Variants in CPLANE1 observed in about 807,000 individuals in gnomAD.
CPLANE1 encodes ciliogenesis and planar polarity effector complex subunit 1.
CPLANE1 carries 263 observed loss-of-function variants against 362.5 expected under a neutral mutation model. The ratio of observed to expected loss-of-function variants is 0.73; its 90% CI spans 0.66 to 0.80. The LOEUF is 0.80. CPLANE1 is among the 30% of genes least tolerant of loss of function. The pLI, the probability that CPLANE1 is intolerant of heterozygous loss-of-function variation, is 0.00. For synonymous variants in CPLANE1, 1,212 were observed against 1,302.6 expected, an observed-to-expected ratio of 0.93 and a Z score of 1.50; for missense variants, 3,461 against 3,793.4, an observed-to-expected ratio of 0.91 and a Z score of 2.30.
intron 43 of CPLANE1, among the ~76,000 whole-genome samples, chr5:37,143,862 G>A (rs762190431): frequency 3.3e-5 from 5 of 151,348 alleles, no homozygotes; most frequent in Non-Finnish European, 5.9e-5. Context: ...TTGAACCTGC[G>A]AGGCAGGGGA....
chr5:37,085,098 C>A, the CPLANE1 span: 1 of 737,372 alleles, frequency 1.4e-6, no homozygotes. Flanking sequence ...GGTAGCAACT[C>A]CAAAGCATTG....
At chr5:37,118,953 C>A (rs954818139) in intron 50 of CPLANE1, among the ~76,000 whole-genome samples, 1 of 152,124 alleles carries the variant, frequency 6.6e-6, no homozygotes, top group Non-Finnish European at 1.5e-5. Flanking sequence ...ACCTTGTGAT[C>A]TGCCCACCTC....
At chr5:37,140,175 T>C (rs895610273) in intron 44 of CPLANE1, 1 of 872,334 alleles carries the variant, frequency 1.1e-6, no homozygotes, top group African/African-American at 1.8e-5. Context: ...TTAATTCTTC[T>C]ATATGTTTAA....
rs75134980 is a variant in CPLANE1, at chr5:37,228,174, A to G, written c.1122-357T>C. Among the ~76,000 whole-genome samples the G allele has an allele frequency of 6.5e-3, 991 of 152,276 alleles. 11 individuals are homozygous for G. The highest frequency in any genetic ancestry group is 0.061 in the Middle Eastern group (18 of 294). On this transcript the variant is annotated intron_variant, in intron 9 of 52. Coordinates refer to ENST00000651892, the MANE Select transcript of CPLANE1 (RefSeq NM_001384732.1). ...TATATTTAAATATGCTTACACAAAT[A>G]AAATTATGAACTATCAGTATACTTT...
chr5:37,210,482 G>A, intron 16 of CPLANE1: 3 of 1,191,016 alleles, frequency 2.5e-6, no homozygotes, highest in Non-Finnish European at 1.2e-6. Flanking sequence ...AAGATGAAAG[G>A]AAGAATAAAG....
intron 44 of CPLANE1, chr5:37,140,789 C>T (rs1010659102): frequency 1.0e-6 from 1 of 985,296 alleles, no homozygotes; most frequent in Middle Eastern, 5.2e-4. Context: ...ATCACTAACC[C>T]ACGGCCACAG....
chr5:37,138,143 A>C (rs921945727), intron 46 of CPLANE1, among the ~76,000 whole-genome samples: 1 of 152,184 alleles, frequency 6.6e-6, no homozygotes, highest in Non-Finnish European at 1.5e-5. Context: ...GGGGTGTTGA[A>C]GTCCCCCACT....
At chr5:37,093,408 A>G in the CPLANE1 span, among the ~76,000 whole-genome samples, 118 of 152,244 alleles carry the variant, frequency 7.8e-4, no homozygotes, top group African/African-American at 2.6e-3. Context: ...GAATCAATCA[A>G]TGCATAGTTG....
In CPLANE1 at chr5:37,213,552, A is replaced by G; in HGVS notation, c.2920+7T>C. The G allele has an allele frequency of 6.5e-7, 1 of 1,527,490 alleles. No homozygotes were observed. Among genetic ancestry groups the G allele is most frequent in the Non-Finnish European group, 8.8e-7 (1 of 1,132,384 alleles). 94.6% of individuals were successfully genotyped at this position (1,527,490 alleles called of 1,614,324 possible). A position where few individuals can be genotyped will look rare whatever the true frequency, so the allele number is the denominator to read the frequency against. The stretch of plus-strand genomic sequence containing the variant: ...AAAGTTTAAAAAGGATTTGTTTACT[A>G]CATTACCTGTTTTAATATGAAGTGG... On this transcript the variant is annotated splice_region_variant and intron_variant, in intron 16 of 52. Coordinates refer to ENST00000651892, the MANE Select transcript of CPLANE1 (RefSeq NM_001384732.1).
rs190547380 is a variant in CPLANE1, at chr5:37,142,571, A to T, written c.8462-91T>A. 430 of 785,852 alleles carry T rather than the reference A, an allele frequency of 5.5e-4. 4 individuals carry two copies. The African/African-American group carries it at 7.2e-3, about 13-fold the overall frequency. 48.7% of individuals were successfully genotyped at this position (785,852 alleles called of 1,614,324 possible). ...CAATTGCCACTATTTCCAACTGGCA[A>T]CCCAGATATTAGAAGTTTGTCACAT... On this transcript the variant is annotated intron_variant, in intron 43 of 52. Coordinates refer to ENST00000651892, the MANE Select transcript of CPLANE1 (RefSeq NM_001384732.1).
intron 42 of CPLANE1, among the ~76,000 whole-genome samples, chr5:37,150,953 C>T (rs1456646164): frequency 6.6e-6 from 1 of 152,154 alleles, no homozygotes; most frequent in Non-Finnish European, 1.5e-5. Flanking sequence ...CATGTGGTCT[C>T]CTTGTTCCCA....
chr5:37,177,555 G>T, intron 30 of CPLANE1, 66 bp downstream of exon 30: 1 of 1,169,456 alleles, frequency 8.6e-7, no homozygotes, highest in South Asian at 1.3e-5. Flanking sequence ...AATTATGAAG[G>T]AAAAAAGCTG....
chr5:37,224,262 C>A lies in CPLANE1; in HGVS notation c.2572G>T (p.Glu858Ter), dbSNP rs533506472. The part of the protein sequence containing the change: ...QLWKKALQEI[E>*]EKGGRRTYFL... ...TTTAACACTCTCTTACCTTTCTCTT[C>A]GATTTCTTGTAGAGCTTTTTTCCAC... Residue 858 changes from glutamate (E) to a stop codon, truncating the protein, a stop_gained, in exon 14 of 53, where the codon GAA becomes TAA. Coordinates refer to ENST00000651892, the MANE Select transcript of CPLANE1 (RefSeq NM_001384732.1). LOFTEE classifies it high-confidence loss of function. 1.3e-6 allele frequency: 2 copies of A among 1,546,368 alleles called. No individual in the cohort carries two copies. Among genetic ancestry groups the A allele is most frequent in the African/African-American group, 1.4e-5 (1 of 72,856 alleles).
intron 43 of CPLANE1, among the ~76,000 whole-genome samples, chr5:37,145,559 T>C (rs911177556): frequency 6.6e-5 from 10 of 152,156 alleles, no homozygotes; most frequent in African/African-American, 1.7e-4. Context: ...GCCTCCCAAA[T>C]AGCTGGGACT....
chr5:37,105,215 G>A (rs745934371), downstream of CPLANE1, among the ~76,000 whole-genome samples: 8 of 151,938 alleles, frequency 5.3e-5, no homozygotes, highest in African/African-American at 1.5e-4. Context: ...TGGGAGGATC[G>A]CTTGAGCCTG....
intron 12 of CPLANE1, among the ~76,000 whole-genome samples, chr5:37,225,958 C>T (rs1796390673): frequency 6.7e-6 from 1 of 148,686 alleles, no homozygotes; most frequent in African/African-American, 2.5e-5. Flanking sequence ...ATGTATTGTA[C>T]AACATTTGGC....
chr5:37,085,435 A>T, the CPLANE1 span: 1 of 954,026 alleles, frequency 1.0e-6, no homozygotes, highest in Non-Finnish European at 1.7e-6. Flanking sequence ...AAAGTGAGAA[A>T]AATCTTTGTG....
At chr5:37,232,839 C>CA (rs765038993) in intron 8 of CPLANE1, among the ~76,000 whole-genome samples, 8,181 of 61,528 alleles carry the variant, frequency 0.13, 460 homozygotes, top group Admixed American at 0.15. Flanking sequence ...GACCTTGTTG[C>CA]AAAAAAAAAA....
Position 37,226,698 on chromosome 5 carries a change from T to C in CPLANE1, c.1897A>G (p.Ile633Val), listed in dbSNP as rs1462177997. ...TGAAAAAGTTGAAAGATACAAAGTA[T>C]CCATGCATTATGTCTTGAGCTTTTG... ...LSKSSRHNAW[I>V]LCIFQLFHQC... The change falls in exon 12 of 53, where the codon ATA becomes GTA. Residue 633 changes from isoleucine (I) to valine (V), a missense_variant. Physicochemically the swap from Ile to Val is conservative, Grantham distance 29. Around this residue, in one of 2 missense-constraint regions of CPLANE1, gnomAD observed 3,380 missense variants for 3,666.1 expected, o/e 0.92. Transcript: ENST00000651892. The C allele has an allele frequency of 6.4e-7, 1 of 1,550,508 alleles. No homozygotes were observed. The highest frequency in any genetic ancestry group is 8.7e-7 in the Non-Finnish European group (1 of 1,146,530).
Sources: gnomAD v4.1 joint callset for allele counts (sites outside exome capture counted in the v4.1 genomes callset) on GRCh38, gnomAD v4.1.1 for gene constraint, gnomAD v4.1.1 regional missense constraint, MANE v1.5 for transcripts, NCBI Gene and HGNC (gene_info 2026-07-23, HGNC 2026-07-21) for gene names.